The following AP3M1 variants were observed in gnomAD, a reference collection of about 807,000 sequenced individuals.
The protein encoded by AP3M1 is adaptor related protein complex 3 subunit mu 1.
In AP3M1, 29 loss-of-function variants were observed where a neutral mutation model predicts 42.6. The ratio of observed to expected loss-of-function variants is 0.68; its 90% CI spans 0.51 to 0.93. The LOEUF (loss-of-function observed/expected upper bound fraction) is 0.93. Ranked by LOEUF, AP3M1 falls within the 40% of genes least tolerant of loss-of-function variation. The pLI, the probability that AP3M1 is intolerant of heterozygous loss-of-function variation, is 0.00. For missense variants in AP3M1, 416 were observed against 510.2 expected (o/e 0.82, Z 1.78); for synonymous variants, 178 against 175.3 (o/e 1.02, Z -0.12).
intron 1 of AP3M1, among the ~76,000 whole-genome samples, chr10:74,143,606 T>C (rs189987325): frequency 2.0e-5 from 3 of 152,336 alleles, no homozygotes; most frequent in Admixed American, 6.5e-5. Context: ...CCAGACACTA[T>C]GCTAGACACT....
chr10:74,142,935 T>C (rs992543720), intron 1 of AP3M1, among the ~76,000 whole-genome samples: 2 of 152,234 alleles, frequency 1.3e-5, no homozygotes, highest in African/African-American at 4.8e-5. Flanking sequence ...CTGAAATATA[T>C]AATGTATGAC....
intron 1 of AP3M1, among the ~76,000 whole-genome samples, chr10:74,150,153 T>A (rs780551061): frequency 5.9e-5 from 9 of 152,226 alleles, no homozygotes; most frequent in Non-Finnish European, 1.3e-4. Context: ...TGTAAACCAC[T>A]GTTTCAAATT....
At chr10:74,129,072 G>A (rs756513579) in intron 6 of AP3M1, 36 bp downstream of exon 6, 16 of 1,611,472 alleles carry the variant, frequency 9.9e-6, no homozygotes, top group African/African-American at 1.3e-5. Context: ...TACTTGATAT[G>A]TATGATGGCA....
chr10:74,135,255 G>T (rs944330730), intron 3 of AP3M1, among the ~76,000 whole-genome samples: 1 of 152,134 alleles, frequency 6.6e-6, no homozygotes, highest in African/African-American at 2.4e-5. Context: ...CTGCTAAAGG[G>T]ATTAATAAAA....
intron 8 of AP3M1, 95 bp from the exon 9 acceptor site, chr10:74,124,005 G>C: frequency 9.5e-7 from 1 of 1,054,954 alleles, no homozygotes; most frequent in South Asian, 1.4e-5. Context: ...ACATTAACCA[G>C]TGTCCCTTCC....
intron 1 of AP3M1, among the ~76,000 whole-genome samples, chr10:74,149,857 C>T (rs920554562): frequency 1.3e-5 from 2 of 152,146 alleles, no homozygotes; most frequent in African/African-American, 2.4e-5. Flanking sequence ...TTGCTTCATG[C>T]CCCAAATGAT....
rs539404175 is a variant in AP3M1 at position 74,138,193 on chromosome 10, T to C, written c.187A>G (p.Lys63Glu). The part of the protein sequence containing the change: ...HHYLISIYRD[K>E]LFFVSVIQTE... ...TGTATGACAGATACAAAGAAGAGCTTATCCCGGTAGATACTGATGAGGTAG... is the reference window on the plus strand; with the variant it reads ...TGTATGACAGATACAAAGAAGAGCTCATCCCGGTAGATACTGATGAGGTAG... Residue 63 changes from lysine to glutamate, a missense_variant, in exon 2 of 9, where the codon AAG becomes GAG. By Grantham distance (56) the Lys-to-Glu change is moderately conservative. Transcript: ENST00000355264. 4 of 1,614,154 alleles carry C rather than the reference T, an allele frequency of 2.5e-6. No homozygotes were observed. The highest frequency in any genetic ancestry group is 1.6e-4 in the Middle Eastern group (1 of 6,062).
chr10:74,149,510 G>C (rs1198333908), intron 1 of AP3M1, among the ~76,000 whole-genome samples: 3 of 151,598 alleles, frequency 2.0e-5, no homozygotes, highest in African/African-American at 4.9e-5. Context: ...GGTTGGTCTC[G>C]AACTCCTGAC....
intron 6 of AP3M1, among the ~76,000 whole-genome samples, chr10:74,126,646 C>G (rs930056257): frequency 2.0e-5 from 3 of 151,764 alleles, no homozygotes; most frequent in African/African-American, 7.3e-5. Flanking sequence ...CACCTGAGGT[C>G]AGGAGTTTGA....
At chr10:74,148,092 A>T (rs1251337923) in intron 1 of AP3M1, among the ~76,000 whole-genome samples, 1 of 152,228 alleles carries the variant, frequency 6.6e-6, no homozygotes, top group African/African-American at 2.4e-5. Context: ...GTGTAAAAAA[A>T]TAGAGATATG....
chr10:74,123,424 T>C lies in AP3M1; in HGVS notation c.*386A>G, dbSNP rs1441096488. On this transcript the variant is annotated 3_prime_UTR_variant, in exon 9 of 9. Coordinates refer to ENST00000355264, the MANE Select transcript of AP3M1 (RefSeq NM_012095.6). The stretch of plus-strand genomic sequence containing the variant: ...GGCTAAGATCAGAAGGTGTGATATT[T>C]GGCTGCACCTGACACATCACAGATT... 3 of 181,758 alleles carry C rather than the reference T, an allele frequency of 1.7e-5. No individual in the cohort carries two copies. In the East Asian group the frequency reaches 4.7e-4, roughly 29 times the overall value. 11.3% of individuals were successfully genotyped at this position (181,758 alleles called of 1,614,324 possible). A position where few individuals can be genotyped will look rare whatever the true frequency, so the allele number is the denominator to read the frequency against.
intron 2 of AP3M1, 46 bp downstream of exon 2, chr10:74,138,061 G>A (rs1274927671): frequency 6.4e-6 from 10 of 1,568,888 alleles, no homozygotes; most frequent in Non-Finnish European, 8.6e-6. Context: ...CTCACCTTCA[G>A]CTAACTTGGG....
At chr10:74,148,412 A>C (rs1841401101) in intron 1 of AP3M1, among the ~76,000 whole-genome samples, 1 of 152,206 alleles carries the variant, frequency 6.6e-6, no homozygotes, top group Admixed American at 6.5e-5. Flanking sequence ...TCTCTGTGTA[A>C]TGGGAGAGAG....
At chr10:74,144,198 T>A (rs1438960958) in intron 1 of AP3M1, among the ~76,000 whole-genome samples, 1 of 152,196 alleles carries the variant, frequency 6.6e-6, no homozygotes, top group Non-Finnish European at 1.5e-5. Flanking sequence ...CCGGACCTCA[T>A]GATCCACCCG....
At chr10:74,133,682 T>C (rs1840851193) in intron 4 of AP3M1, among the ~76,000 whole-genome samples, 1 of 151,642 alleles carries the variant, frequency 6.6e-6, no homozygotes, top group African/African-American at 2.4e-5. Context: ...TTTTTTTTTT[T>C]TGTTGAGACA....
In AP3M1 at chr10:74,124,485, G is replaced by A. The variant is rs765763646; in HGVS notation, c.1051C>T (p.Leu351Phe). 6.2e-7 allele frequency: 1 copy of A among 1,611,246 alleles called. No individual in the cohort carries two copies. Residue 351 changes from leucine to phenylalanine, a missense_variant, in exon 8 of 9, where the codon CTC (leucine) becomes TTC (phenylalanine). Physicochemically the swap from Leu to Phe is conservative, Grantham distance 22. Transcript: ENST00000355264. The stretch of plus-strand genomic sequence containing the variant: ...TTTACCAGTCCTTTAAGACTTGGGA[G>A]CTTTTGTGGAGTAATTTTTCCCACA... ...WDVGKITPQK[L>F]PSLKGLVNLQ...
chr10:74,121,934 T>G lies in AP3M1; in HGVS notation c.*1876A>C, dbSNP rs1840475757. ...GCTCCTGGCGTACATTCTACTTGGA[T>G]AGAAGAGAAGATAGCACAGGAGGAG... is the stretch of plus-strand genomic sequence containing the variant. On this transcript the variant is annotated 3_prime_UTR_variant, in exon 9 of 9. Coordinates refer to ENST00000355264, the MANE Select transcript of AP3M1 (RefSeq NM_012095.6). The G allele has an allele frequency of 6.6e-6, 1 of 152,172 alleles. No individual in the cohort carries two copies. The highest frequency in any genetic ancestry group is 1.5e-5 in the Non-Finnish European group (1 of 68,040). The allele number at this position is 152,172 out of a possible 1,614,324, so 9.4% of individuals were successfully genotyped here.
rs1841014177 is a variant in AP3M1 at position 74,138,445 on chromosome 10, A to G, written c.-3-63T>C. 3 of 1,448,214 alleles carry G rather than the reference A, an allele frequency of 2.1e-6. No individual in the cohort carries two copies. In the East Asian group the frequency reaches 7.0e-5, roughly 34 times the overall value. The allele number at this position is 1,448,214 out of a possible 1,614,324, so 89.7% of individuals were successfully genotyped here. A position where few individuals can be genotyped will look rare whatever the true frequency, so the allele number is the denominator to read the frequency against. On this transcript the variant is annotated intron_variant, in intron 1 of 8. Transcript: ENST00000355264. Reference sequence around the variant, plus strand: ...TAAATATCATTTAACATACACAAAAAGATTATACACCTTGACCAAGTGGGA... The same window carrying G: ...TAAATATCATTTAACATACACAAAAGGATTATACACCTTGACCAAGTGGGA...
intron 4 of AP3M1, 86 bp downstream of exon 4, chr10:74,133,941 C>A: frequency 6.5e-7 from 1 of 1,536,258 alleles, no homozygotes; most frequent in Non-Finnish European, 8.8e-7. Context: ...GCGTGAGCCA[C>A]CGCGCCCGGC....
Sources: gnomAD v4.1 joint callset for allele counts (sites outside exome capture counted in the v4.1 genomes callset) on GRCh38, gnomAD v4.1.1 for gene constraint, MANE v1.5 for transcripts, NCBI Gene and HGNC (gene_info 2026-07-23, HGNC 2026-07-21) for gene names.